The following ITGA9 variants were observed in gnomAD, a reference collection of about 807,000 sequenced individuals.
ITGA9 encodes the protein integrin alpha-9.
Under a neutral mutation model 127.8 loss-of-function variants are expected in ITGA9, and 56 were observed. The observed-to-expected ratio is 0.44, with a 90% CI of 0.35 to 0.55. ITGA9 has a LOEUF of 0.55. Among genes scored for constraint, ITGA9 ranks in the 20% least tolerant of loss-of-function variants. The pLI is 0.00. For synonymous variants in ITGA9, 508 were observed against 514.5 expected, an observed-to-expected ratio of 0.99 and a Z score of 0.17; for missense variants, 1,196 against 1,347.1, an observed-to-expected ratio of 0.89 and a Z score of 1.76.
At chr3:37,692,478 A>C (rs1424513045) in intron 18 of ITGA9, among the ~76,000 whole-genome samples, 1 of 151,896 alleles carries the variant, frequency 6.6e-6, no homozygotes, top group Non-Finnish European at 1.5e-5. Flanking sequence ...AGACAGTGTT[A>C]AACTGAACAT....
At chr3:37,509,537 G>T (rs945033902) in intron 8 of ITGA9, among the ~76,000 whole-genome samples, 6 of 152,126 alleles carry the variant, frequency 3.9e-5, no homozygotes, top group Admixed American at 6.5e-5. Flanking sequence ...TGCCGAGTTA[G>T]AACTGCTGTA....
At chr3:37,560,283 A>C (rs1317617462) in intron 15 of ITGA9, among the ~76,000 whole-genome samples, 2 of 152,150 alleles carry the variant, frequency 1.3e-5, no homozygotes, top group African/African-American at 4.8e-5. Flanking sequence ...ACATGAACTC[A>C]TCCTTTTTTA....
chr3:37,817,871 TG>T (rs1341207291), intron 27 of ITGA9, among the ~76,000 whole-genome samples: 2 of 152,116 alleles, frequency 1.3e-5, no homozygotes, highest in East Asian at 3.9e-4. Flanking sequence ...TAGAGGAAAT[TG>T]CCATCCTGGG....
chr3:37,542,545 A>G lies in ITGA9; in HGVS notation c.1649A>G (p.Tyr550Cys). ...GQVTEKLQLT[Y>C]MEETCRHYVA... is the part of the protein sequence containing the mutation. ...GTCACAGAGAAGCTGCAGCTGACTT[A>G]CATGGAGGAGACGTGTCGTCACTAT... is the stretch of plus-strand genomic sequence containing the variant. Residue 550 changes from tyrosine (Y) to cysteine (C), a missense_variant, in exon 15 of 28, where the codon TAC becomes TGC. Coordinates refer to ENST00000264741, the MANE Select transcript of ITGA9 (RefSeq NM_002207.3). The G allele has an allele frequency of 6.2e-7, 1 of 1,614,180 alleles. No individual in the cohort carries two copies. Among genetic ancestry groups the G allele is most frequent in the Non-Finnish European group, 8.5e-7 (1 of 1,180,032 alleles).
At chr3:37,538,744 CA>C (rs1219737883) in intron 14 of ITGA9, among the ~76,000 whole-genome samples, 1 of 152,236 alleles carries the variant, frequency 6.6e-6, no homozygotes. Context: ...GAGTGGTCAG[CA>C]TTTCTTCTTG....
At chr3:37,725,595 T>C (rs1346955445) in intron 18 of ITGA9, among the ~76,000 whole-genome samples, 1 of 152,188 alleles carries the variant, frequency 6.6e-6, no homozygotes, top group African/African-American at 2.4e-5. Context: ...TGGGAAACCC[T>C]GGGCAAGTGA....
chr3:37,514,022 T>C, intron 9 of ITGA9, 122 bp downstream of exon 9: 1 of 1,171,312 alleles, frequency 8.5e-7, no homozygotes, highest in Non-Finnish European at 1.3e-6. Context: ...GAGATGAAAA[T>C]ATGTGATATC....
chr3:37,546,289 T>C (rs1340551692), intron 15 of ITGA9, among the ~76,000 whole-genome samples: 1 of 152,180 alleles, frequency 6.6e-6, no homozygotes, highest in Non-Finnish European at 1.5e-5. Flanking sequence ...ATGATCAAGT[T>C]CTAGGGAAGG....
chr3:37,577,687 G>A (rs1699666861), intron 15 of ITGA9, among the ~76,000 whole-genome samples: 1 of 152,236 alleles, frequency 6.6e-6, no homozygotes, highest in African/African-American at 2.4e-5. Flanking sequence ...TAATTAGGTT[G>A]TGGTACAAGA....
intron 1 of ITGA9, among the ~76,000 whole-genome samples, chr3:37,453,021 G>GTA (rs1449429482): frequency 6.6e-6 from 1 of 152,000 alleles, no homozygotes; most frequent in Non-Finnish European, 1.5e-5. Context: ...TGAGGAAGGA[G>GTA]TATAGCCTCT....
chr3:37,480,304 T>G (rs370363399), intron 3 of ITGA9, among the ~76,000 whole-genome samples: 6 of 152,190 alleles, frequency 3.9e-5, no homozygotes, highest in East Asian at 3.9e-4. Context: ...TTAGCAGAGC[T>G]GCCCTGCCTC....
chr3:37,768,598 G>A (rs949759661), intron 23 of ITGA9, among the ~76,000 whole-genome samples: 4 of 152,118 alleles, frequency 2.6e-5, no homozygotes, highest in South Asian at 4.2e-4. Context: ...ATGTTTACCC[G>A]GTTGCCGTCA....
intron 15 of ITGA9, among the ~76,000 whole-genome samples, chr3:37,590,364 T>A (rs1231953860): frequency 1.3e-5 from 2 of 151,960 alleles, no homozygotes; most frequent in African/African-American, 4.8e-5. Context: ...CAGAGCTGGG[T>A]GGAGAGTCAG....
At chr3:37,772,673 T>G (rs2125547951) in intron 23 of ITGA9, among the ~76,000 whole-genome samples, 1 of 152,332 alleles carries the variant, frequency 6.6e-6, no homozygotes, top group African/African-American at 2.4e-5. Flanking sequence ...TAGGATTAGC[T>G]GGTCTGAATC....
At chr3:37,617,305 G>A (rs891025520) in intron 15 of ITGA9, among the ~76,000 whole-genome samples, 1 of 152,208 alleles carries the variant, frequency 6.6e-6, no homozygotes, top group Non-Finnish European at 1.5e-5. Context: ...CTCCCATCTG[G>A]CTTGTAGGGT....
intron 17 of ITGA9, among the ~76,000 whole-genome samples, chr3:37,680,524 A>C (rs1294995341): frequency 6.6e-6 from 1 of 152,210 alleles, no homozygotes; most frequent in Non-Finnish European, 1.5e-5. Flanking sequence ...GATTGGCAGA[A>C]GTTTAGATGT....
intron 18 of ITGA9, among the ~76,000 whole-genome samples, chr3:37,707,278 T>G (rs1701017343): frequency 6.6e-6 from 1 of 152,246 alleles, no homozygotes; most frequent in South Asian, 2.1e-4. Flanking sequence ...AAGGATTTAG[T>G]AATTTAGTAA....
intron 16 of ITGA9, among the ~76,000 whole-genome samples, chr3:37,633,371 T>G (rs1459539315): frequency 6.6e-6 from 1 of 152,194 alleles, no homozygotes; most frequent in Non-Finnish European, 1.5e-5. Context: ...GAAAATGTAT[T>G]TAATACACCT....
rs190357097 is a variant in ITGA9 at position 37,615,709 on chromosome 3, C to G, written c.1690-13478C>G. On this transcript the variant is annotated intron_variant, in intron 15 of 27. Coordinates refer to ENST00000264741, the MANE Select transcript of ITGA9 (RefSeq NM_002207.3). ...TTTAGTCTTGGGAGGGTGTATGTGT[C>G]GAGGAATGTATCCATTTCTTCTAGA... is the stretch of plus-strand genomic sequence containing the variant. Among the ~76,000 whole-genome samples the G allele has an allele frequency of 7.0e-3, 1,069 of 152,244 alleles. 6 individuals carry two copies. Among genetic ancestry groups the G allele is most frequent in the Non-Finnish European group, 9.8e-3 (664 of 68,012 alleles).
Sources: gnomAD v4.1 joint callset for allele counts (sites outside exome capture counted in the v4.1 genomes callset) on GRCh38, gnomAD v4.1.1 for gene constraint, MANE v1.5 for transcripts, NCBI Gene and HGNC (gene_info 2026-07-23, HGNC 2026-07-21) for gene names.